The following RAB38 variants were observed in gnomAD, a reference collection of about 807,000 sequenced individuals.
RAB38 encodes the protein RAB38, member RAS oncogene family.
Under a neutral mutation model 18.4 loss-of-function variants are expected in RAB38, and 15 were observed. The ratio of observed to expected loss-of-function variants is 0.82; its 90% CI spans 0.55 to 1.26. RAB38 has a LOEUF of 1.26. Among genes scored for constraint, RAB38 ranks in the 50% most tolerant of loss-of-function variants. RAB38 has a pLI of 0.00. For synonymous variants in RAB38, 101 were observed against 104.4 expected (o/e 0.97, Z 0.20); for missense variants, 294 against 267.4 (o/e 1.10, Z -0.69).
the RAB38 span, among the ~76,000 whole-genome samples, chr11:88,027,053 CA>C: frequency 2.0e-5 from 3 of 151,964 alleles, no homozygotes; most frequent in African/African-American, 7.3e-5. Flanking sequence ...TGCATTAATT[CA>C]AAAATATTTT....
the RAB38 span, among the ~76,000 whole-genome samples, chr11:87,880,396 A>C: frequency 5.3e-5 from 8 of 151,796 alleles, no homozygotes; most frequent in Admixed American, 3.9e-4. Flanking sequence ...TGAAAACAAA[A>C]AGTTCAAGAT....
chr11:87,922,574 A>G, the RAB38 span, among the ~76,000 whole-genome samples: 8 of 151,894 alleles, frequency 5.3e-5, no homozygotes, highest in African/African-American at 1.2e-4. Context: ...TGAAAAAAAT[A>G]TATATAATTG....
chr11:87,836,914 T>G, the RAB38 span, among the ~76,000 whole-genome samples: 1 of 152,212 alleles, frequency 6.6e-6, no homozygotes, highest in Non-Finnish European at 1.5e-5. Flanking sequence ...GAACCCCCAT[T>G]TTAATGAAAG....
chr11:88,077,702 T>C, the RAB38 span, among the ~76,000 whole-genome samples: 1 of 151,994 alleles, frequency 6.6e-6, no homozygotes, highest in Non-Finnish European at 1.5e-5. Flanking sequence ...ATTGGGAAAA[T>C]ACTTCAGGAC....
chr11:87,893,286 TTGTGTG>T, the RAB38 span, among the ~76,000 whole-genome samples: 4 of 139,226 alleles, frequency 2.9e-5, no homozygotes, highest in East Asian at 8.3e-4. Context: ...TTTCCAGATT[TTGTGTG>T]TGTGTGTGTG....
chr11:87,977,313 A>T, the RAB38 span, among the ~76,000 whole-genome samples: 1 of 131,918 alleles, frequency 7.6e-6, no homozygotes. Flanking sequence ...ATTATAAAAT[A>T]TAATTATATT....
At chr11:88,144,573 T>C (rs1383157681) in intron 2 of RAB38, among the ~76,000 whole-genome samples, 1 of 152,188 alleles carries the variant, frequency 6.6e-6, no homozygotes, top group African/African-American at 2.4e-5. Context: ...CAGTATTAGA[T>C]ATATTCCTTT....
intron 2 of RAB38, among the ~76,000 whole-genome samples, chr11:88,138,162 C>CA (rs572670842): frequency 1.7e-4 from 25 of 150,136 alleles, no homozygotes; most frequent in Non-Finnish European, 2.8e-4. Context: ...ACAGGGCATT[C>CA]AAAAAAAAAT....
intron 1 of RAB38, chr11:88,174,255 G>A (rs536530843): frequency 1.8e-5 from 4 of 226,150 alleles, no homozygotes; most frequent in South Asian, 1.6e-4. Flanking sequence ...TTGGTCATGC[G>A]CAGGTTGCAA....
the RAB38 span, among the ~76,000 whole-genome samples, chr11:87,966,103 TA>T: frequency 6.6e-6 from 1 of 151,936 alleles, no homozygotes; most frequent in Admixed American, 6.6e-5. Flanking sequence ...AGACAGAGGA[TA>T]GGGGCACTCA....
the RAB38 span, among the ~76,000 whole-genome samples, chr11:87,928,599 A>G: frequency 1.3e-5 from 2 of 152,056 alleles, no homozygotes; most frequent in Admixed American, 6.6e-5. Context: ...ATAACGATAT[A>G]AAAAAATTCC....
At chr11:87,902,810 C>T in the RAB38 span, among the ~76,000 whole-genome samples, 1 of 150,720 alleles carries the variant, frequency 6.6e-6, no homozygotes, top group African/African-American at 2.4e-5. Context: ...TATAACAGCT[C>T]ACTGACAATA....
chr11:87,915,303 A>T, the RAB38 span, among the ~76,000 whole-genome samples: 1 of 152,128 alleles, frequency 6.6e-6, no homozygotes, highest in Admixed American at 6.5e-5. Context: ...ATTTTCAGTC[A>T]CACAATGAGA....
chr11:87,911,389 C>G, the RAB38 span, among the ~76,000 whole-genome samples: 1 of 151,960 alleles, frequency 6.6e-6, no homozygotes, highest in Non-Finnish European at 1.5e-5. Context: ...CTTTTTGAGT[C>G]TCCGAGTCCT....
the RAB38 span, among the ~76,000 whole-genome samples, chr11:87,830,472 C>A: frequency 6.7e-6 from 1 of 150,140 alleles, no homozygotes; most frequent in Non-Finnish European, 1.5e-5. Flanking sequence ...CAGACCAAGG[C>A]ACTGTCTCAA....
At chr11:87,852,747 G>T in the RAB38 span, among the ~76,000 whole-genome samples, 3 of 152,118 alleles carry the variant, frequency 2.0e-5, no homozygotes, top group Non-Finnish European at 4.4e-5. Context: ...ACCACTGAGG[G>T]CTAAGAGAAC....
chr11:88,040,855 C>G, the RAB38 span, among the ~76,000 whole-genome samples: 4 of 152,170 alleles, frequency 2.6e-5, no homozygotes, highest in Non-Finnish European at 4.4e-5. Context: ...CCATGTTGCA[C>G]GAATGGAGAC....
At chr11:87,957,127 A>ATTTAC in the RAB38 span, among the ~76,000 whole-genome samples, 1 of 151,966 alleles carries the variant, frequency 6.6e-6, no homozygotes, top group African/African-American at 2.4e-5. Flanking sequence ...GAGGAAAAAT[A>ATTTAC]TTTACTTTTT....
chr11:87,976,257 C>A, the RAB38 span, among the ~76,000 whole-genome samples: 1 of 141,196 alleles, frequency 7.1e-6, no homozygotes, highest in African/African-American at 2.6e-5. Flanking sequence ...ATATGTTATA[C>A]ATGTAAGAGA....
Sources: gnomAD v4.1 joint callset for allele counts (sites outside exome capture counted in the v4.1 genomes callset) on GRCh38, gnomAD v4.1.1 for gene constraint, MANE v1.5 for transcripts, NCBI Gene and HGNC (gene_info 2026-07-23, HGNC 2026-07-21) for gene names.